The following NAALADL2 variants were observed in gnomAD, a reference collection of about 807,000 sequenced individuals.
NAALADL2 encodes N-acetylated alpha-linked acidic dipeptidase like 2.
NAALADL2 carries 76 observed loss-of-function variants against 87.2 expected under a neutral mutation model. The ratio of observed to expected loss-of-function variants is 0.87; its 90% CI spans 0.72 to 1.05. The LOEUF (loss-of-function observed/expected upper bound fraction) is 1.05, where lower values mean the gene tolerates loss of function less well. Among genes scored for constraint, NAALADL2 ranks in the 50% least tolerant of loss-of-function variants. The pLI is 0.00. For missense variants in NAALADL2, 1,089 were observed against 945.8 expected (o/e 1.15, Z -1.99); for synonymous variants, 354 against 331.0 (o/e 1.07, Z -0.75).
At chr3:174,888,588 C>G (rs926126194) in intron 1 of NAALADL2, among the ~76,000 whole-genome samples, 1 of 152,178 alleles carries the variant, frequency 6.6e-6, no homozygotes, top group African/African-American at 2.4e-5. Context: ...GAACGTGACC[C>G]TAAGAGAGAG....
At chr3:175,414,759 G>A (rs1714263623) in intron 5 of NAALADL2, among the ~76,000 whole-genome samples, 1 of 152,098 alleles carries the variant, frequency 6.6e-6, no homozygotes, top group Non-Finnish European at 1.5e-5. Flanking sequence ...CTTGATTTTA[G>A]TGTAGATCCA....
At chr3:174,854,761 C>T (rs998774617), upstream of NAALADL2, among the ~76,000 whole-genome samples, 13 of 150,542 alleles carry the variant, frequency 8.6e-5, no homozygotes, top group Admixed American at 2.0e-4. Context: ...ATATTGAATA[C>T]GTAACACAGT....
At chr3:175,353,564 CA>C (rs1316572183) in intron 5 of NAALADL2, among the ~76,000 whole-genome samples, 1 of 152,154 alleles carries the variant, frequency 6.6e-6, no homozygotes. Flanking sequence ...CTCAAGATCA[CA>C]AGGAGACCAA....
intron 4 of NAALADL2, among the ~76,000 whole-genome samples, chr3:175,314,691 TATATA>T (rs1758870945): frequency 1.8e-5 from 1 of 54,838 alleles, no homozygotes; most frequent in African/African-American, 7.1e-5. Flanking sequence ...TATATATATA[TATATA>T]TATATATATA....
chr3:175,022,819 A>T (rs1016438271), intron 1 of NAALADL2, among the ~76,000 whole-genome samples: 2 of 151,102 alleles, frequency 1.3e-5, no homozygotes, highest in African/African-American at 4.9e-5. Context: ...CACCTGCATC[A>T]TCTTAAATGA....
chr3:174,891,495 G>A (rs1730868818), intron 1 of NAALADL2, among the ~76,000 whole-genome samples: 1 of 152,046 alleles, frequency 6.6e-6, no homozygotes. Context: ...CTGGGTGCTG[G>A]AGGAGGGAGA....
At position 174,985,777 on chromosome 3, in the gene NAALADL2, A is replaced by C. The variant is rs549030679; in HGVS notation, c.44-111013A>C. 5.9e-5 allele frequency among the ~76,000 whole-genome samples: 9 copies of C among 152,000 alleles called. No individual in the cohort carries two copies. In the South Asian group the frequency reaches 1.9e-3, roughly 32 times the overall value. On this transcript the variant is annotated intron_variant, in intron 1 of 13. Coordinates refer to ENST00000454872, the MANE Select transcript of NAALADL2 (RefSeq NM_207015.3). Reference sequence around the variant, plus strand: ...AGACCAGCCTGACCAACATGGAGAAACCTCGTCTATACTAAACATACAAAA... The same window carrying C: ...AGACCAGCCTGACCAACATGGAGAACCCTCGTCTATACTAAACATACAAAA...
chr3:175,606,629 T>C (rs1485784327), intron 10 of NAALADL2, among the ~76,000 whole-genome samples: 1 of 152,192 alleles, frequency 6.6e-6, no homozygotes, highest in Non-Finnish European at 1.5e-5. Context: ...ATGTAGCATC[T>C]ACAGCCTTTG....
intron 3 of NAALADL2, among the ~76,000 whole-genome samples, chr3:174,767,318 T>G (rs1020584975): frequency 1.4e-4 from 22 of 152,208 alleles, no homozygotes; most frequent in African/African-American, 5.3e-4. Context: ...GTTGCATGGT[T>G]AAGTTTTCTG....
chr3:175,446,789 GGT>G (rs1720774712), intron 5 of NAALADL2, among the ~76,000 whole-genome samples: 1 of 152,008 alleles, frequency 6.6e-6, no homozygotes, highest in Non-Finnish European at 1.5e-5. Flanking sequence ...TTCTTTGTTC[GGT>G]GGTACAAACA....
chr3:174,925,754 CTGTGGTT>C (rs1302762871), intron 1 of NAALADL2, among the ~76,000 whole-genome samples: 3 of 152,086 alleles, frequency 2.0e-5, no homozygotes, highest in African/African-American at 7.2e-5. Context: ...TTTCATTGAG[CTGTGGTT>C]TGTAGTTCTC....
At chr3:175,012,920 T>C (rs1247942987) in intron 1 of NAALADL2, among the ~76,000 whole-genome samples, 1 of 149,010 alleles carries the variant, frequency 6.7e-6, no homozygotes, top group Non-Finnish European at 1.5e-5. Context: ...TAGAAACAGA[T>C]GTATACATTT....
chr3:174,848,006 TC>T (rs200526468), intron 3 of NAALADL2, among the ~76,000 whole-genome samples: 16,241 of 142,220 alleles, frequency 0.11, 968 homozygotes, highest in Middle Eastern at 0.15. Context: ...CTTTTCTCTC[TC>T]TTTTTTTTTT....
At chr3:175,665,224 A>G (rs1167999219) in intron 11 of NAALADL2, among the ~76,000 whole-genome samples, 7 of 152,236 alleles carry the variant, frequency 4.6e-5, no homozygotes, top group Non-Finnish European at 1.0e-4. Context: ...AAGGTGACAC[A>G]GAGCAAACAG....
At chr3:175,388,408 T>C (rs1250889424) in intron 5 of NAALADL2, among the ~76,000 whole-genome samples, 1 of 152,142 alleles carries the variant, frequency 6.6e-6, no homozygotes, top group Non-Finnish European at 1.5e-5. Flanking sequence ...TTATGTATGC[T>C]AGCTTTAAAA....
chr3:174,852,629 C>T (rs1213496923), intron 3 of NAALADL2, among the ~76,000 whole-genome samples: 2 of 152,078 alleles, frequency 1.3e-5, no homozygotes, highest in Non-Finnish European at 2.9e-5. Flanking sequence ...GTTAAAATGT[C>T]TATACTACCC....
At chr3:175,216,232 C>T (rs1307762840) in intron 2 of NAALADL2, among the ~76,000 whole-genome samples, 3 of 152,144 alleles carry the variant, frequency 2.0e-5, no homozygotes, top group South Asian at 2.1e-4. Context: ...CCCCCTTCCC[C>T]TTGCCTCATC....
rs372183047 is a variant in NAALADL2, at chr3:174,589,082, A to C, written c.-115+38445A>C. On this transcript the variant is annotated intron_variant, in intron 2 of 3. Transcript: ENST00000434257. ...TACTTAAGCCTCAGCAATGGCGGAC[A>C]CCCCTCCCCCAGCCTCGCTGCCACC... Among the ~76,000 whole-genome samples the C allele has an allele frequency of 5.4e-3, 824 of 151,746 alleles. 12 individuals carry two copies. Among genetic ancestry groups the C allele is most frequent in the African/African-American group, 0.018 (739 of 41,342 alleles).
At chr3:175,221,603 A>G (rs1434361920) in intron 2 of NAALADL2, among the ~76,000 whole-genome samples, 2 of 152,038 alleles carry the variant, frequency 1.3e-5, no homozygotes, top group Non-Finnish European at 1.5e-5. Flanking sequence ...GTTTTGCTTT[A>G]TAAGTTGTGA....
Sources: gnomAD v4.1 joint callset for allele counts (sites outside exome capture counted in the v4.1 genomes callset) on GRCh38, gnomAD v4.1.1 for gene constraint, MANE v1.5 for transcripts, NCBI Gene and HGNC (gene_info 2026-07-23, HGNC 2026-07-21) for gene names.